The following MAP3K9 variants were observed in gnomAD, a reference collection of about 807,000 sequenced individuals.
The protein encoded by MAP3K9 is mitogen-activated protein kinase kinase kinase 9, also known as mixed lineage kinase 1 (tyr and ser/thr specificity).
A neutral mutation model predicts 95.8 loss-of-function variants in MAP3K9; 46 were observed. That is an observed-to-expected ratio of 0.48 (90% CI 0.38 to 0.61). MAP3K9 has a LOEUF of 0.61. Ranked by LOEUF, MAP3K9 falls within the 20% of genes least tolerant of loss-of-function variation. The probability of loss-of-function intolerance (pLI) is 0.00; values close to 1 mark genes in which losing one functional copy is unlikely to be tolerated. For synonymous variants in MAP3K9, 533 were observed against 593.8 expected, an observed-to-expected ratio of 0.90 and a Z score of 1.49; for missense variants, 1,296 against 1,474.3, an observed-to-expected ratio of 0.88 and a Z score of 1.98.
chr14:70,780,704 G>A (rs1427849298), intron 2 of MAP3K9, among the ~76,000 whole-genome samples: 1 of 152,176 alleles, frequency 6.6e-6, no homozygotes, highest in Non-Finnish European at 1.5e-5. Flanking sequence ...CTTTTGTGCA[G>A]CCACTTTCCT....
chr14:70,749,318 T>C (rs1021241756), intron 4 of MAP3K9, among the ~76,000 whole-genome samples: 1 of 152,214 alleles, frequency 6.6e-6, no homozygotes, highest in African/African-American at 2.4e-5. Context: ...CAATTTACCA[T>C]GTTACTACCT....
chr14:70,779,826 G>A (rs1457910409), intron 2 of MAP3K9, among the ~76,000 whole-genome samples: 2 of 152,308 alleles, frequency 1.3e-5, no homozygotes, highest in East Asian at 3.9e-4. Context: ...CATTCATTTG[G>A]GACATCTCTG....
At chr14:70,749,073 T>C in intron 4 of MAP3K9, 69 bp from the exon 5 acceptor site, 2 of 1,427,088 alleles carry the variant, frequency 1.4e-6, no homozygotes, top group Non-Finnish European at 1.9e-6. Context: ...CTTAGGCTAT[T>C]ACATGGCCTC....
chr14:70,779,360 C>A (rs536851991), intron 2 of MAP3K9, among the ~76,000 whole-genome samples: 6 of 152,290 alleles, frequency 3.9e-5, no homozygotes, highest in African/African-American at 1.4e-4. Flanking sequence ...CAGTAAGTAA[C>A]CTATTACAAT....
intron 5 of MAP3K9, among the ~76,000 whole-genome samples, chr14:70,742,911 T>TTATATATA (rs3081458): frequency 4.3e-4 from 61 of 143,104 alleles, no homozygotes; most frequent in Non-Finnish European, 7.4e-4. Context: ...TTATATATAT[T>TTATATATA]TATATATATA....
chr14:70,732,190 C>T (rs968655833), intron 11 of MAP3K9, among the ~76,000 whole-genome samples: 10 of 152,208 alleles, frequency 6.6e-5, no homozygotes, highest in Non-Finnish European at 1.5e-4. Context: ...TCATCCTCCT[C>T]AGGGAATAAC....
At position 70,793,400 on chromosome 14, in the gene MAP3K9, C is replaced by T. The variant is rs1320439576; in HGVS notation, c.820+7267G>A. ...TCTAACGAGGATGAAAAGCAAATTC[C>T]ATATGGCCGGGCCTGGTGGCTCACG... On this transcript the variant is annotated intron_variant, in intron 2 of 11. Transcript: ENST00000554752. Among the ~76,000 whole-genome samples the T allele has an allele frequency of 4.6e-5, 7 of 152,164 alleles. No individual in the cohort carries two copies. The South Asian group carries it at 1.4e-3, about 32-fold the overall frequency.
chr14:70,763,442 C>T (rs1427560268), intron 2 of MAP3K9, among the ~76,000 whole-genome samples: 1 of 152,064 alleles, frequency 6.6e-6, no homozygotes, highest in African/African-American at 2.4e-5. Context: ...ACTGTGCAGG[C>T]AGTCGTATAA....
In MAP3K9 at chr14:70,751,036, G is replaced by A. The variant is rs1279203355; in HGVS notation, c.1002-955C>T. Reference sequence around the variant, plus strand: ...AATAGATTTCTGCCCCCAGATCAGCGTGAGTGGGTTCTTAACGGAGATCTC... The same window carrying A: ...AATAGATTTCTGCCCCCAGATCAGCATGAGTGGGTTCTTAACGGAGATCTC... On this transcript the variant is annotated intron_variant, in intron 3 of 11. Transcript: ENST00000554752. Among the ~76,000 whole-genome samples, 29 of 121,998 alleles carry A rather than the reference G, an allele frequency of 2.4e-4. No homozygotes were observed. The Admixed American group carries it at 2.6e-3, about 11-fold the overall frequency. 80.0% of individuals were successfully genotyped at this position (121,998 alleles called of 152,430 possible).
At chr14:70,801,121 T>C in intron 1 of MAP3K9, 41 bp from the exon 2 acceptor site, 4 of 1,568,488 alleles carry the variant, frequency 2.6e-6, no homozygotes, top group Non-Finnish European at 3.5e-6. Flanking sequence ...CAAAAACATC[T>C]TGAAAACATC....
intron 2 of MAP3K9, among the ~76,000 whole-genome samples, chr14:70,781,878 T>C (rs2054681232): frequency 6.6e-6 from 1 of 152,196 alleles, no homozygotes; most frequent in Non-Finnish European, 1.5e-5. Context: ...CATGGAAGAC[T>C]CAACTTCTTG....
At chr14:70,733,368 G>T in intron 10 of MAP3K9, 26 bp from the exon 11 acceptor site, 1 of 1,034,162 alleles carries the variant, frequency 9.7e-7, no homozygotes, top group Non-Finnish European at 1.4e-6. Context: ...GAGTGGAAGA[G>T]AAACAGGAAA....
intron 1 of MAP3K9, among the ~76,000 whole-genome samples, chr14:70,801,779 C>G (rs542553020): frequency 6.6e-6 from 1 of 152,146 alleles, no homozygotes; most frequent in African/African-American, 2.4e-5. Flanking sequence ...GAAATTGGCC[C>G]TAAAGAGTGA....
intron 2 of MAP3K9, among the ~76,000 whole-genome samples, chr14:70,768,364 T>C (rs1486840174): frequency 6.6e-6 from 1 of 151,890 alleles, no homozygotes; most frequent in Admixed American, 6.6e-5. Flanking sequence ...AGCCAAAAAT[T>C]CTCCTAACAT....
At position 70,773,012 on chromosome 14, in the gene MAP3K9, G is replaced by A. The variant is rs562277861; in HGVS notation, c.821-11830C>T. On this transcript the variant is annotated intron_variant, in intron 2 of 11. Transcript: ENST00000554752. ...AAAATACTAAACACCCTAAGAAAAT[G>A]CTTCTAAGTGAATTCATATTTTCTC... is the stretch of plus-strand genomic sequence containing the variant. 3.9e-5 allele frequency among the ~76,000 whole-genome samples: 6 copies of A among 152,188 alleles called. No homozygotes were observed. In the East Asian group the frequency reaches 9.6e-4, roughly 24 times the overall value.
In MAP3K9 at chr14:70,722,993, C is replaced by T. The variant is rs1379916186; in HGVS notation, c.*7387G>A. 6.6e-6 allele frequency: 1 copy of T among 152,172 alleles called. No individual in the cohort carries two copies. 9.4% of individuals were successfully genotyped at this position (152,172 alleles called of 1,614,324 possible). A position where few individuals can be genotyped will look rare whatever the true frequency, so the allele number is the denominator to read the frequency against. On this transcript the variant is annotated 3_prime_UTR_variant, in exon 12 of 12. Transcript: ENST00000554752. ...AGTAAAACCCATCTCCAATTCCTTT[C>T]CTTAATCCTCTACAAGCCTTAGACT...
rs931522472 is a variant in MAP3K9, at chr14:70,727,649, A to C, written c.*2731T>G. ...ATCTCCAACCTTGCCCCACTGAGAG[A>C]GTGCAGCAGTCAGGGGCCCATCAGA... is the stretch of plus-strand genomic sequence containing the variant. On this transcript the variant is annotated 3_prime_UTR_variant, in exon 12 of 12. Transcript: ENST00000554752. The C allele has an allele frequency of 6.6e-6, 1 of 152,334 alleles. No homozygotes were observed. Among genetic ancestry groups the C allele is most frequent in the Non-Finnish European group, 1.5e-5 (1 of 68,156 alleles). 9.4% of individuals were successfully genotyped at this position (152,334 alleles called of 1,614,324 possible).
At position 70,728,974 on chromosome 14, in the gene MAP3K9, A is replaced by G. The variant is rs899783496; in HGVS notation, c.*1406T>C. On this transcript the variant is annotated 3_prime_UTR_variant, in exon 12 of 12. Transcript: ENST00000554752. ...ACACAGGAGGCCTCAGAGTAGTGGC[A>G]TGGAGAAGACATACACGAGAAAGCT... The G allele has an allele frequency of 6.6e-6, 1 of 152,268 alleles. No individual in the cohort carries two copies. The highest frequency in any genetic ancestry group is 1.5e-5 in the Non-Finnish European group (1 of 68,064). 9.4% of individuals were successfully genotyped at this position (152,268 alleles called of 1,614,324 possible). A position where few individuals can be genotyped will look rare whatever the true frequency, so the allele number is the denominator to read the frequency against.
chr14:70,786,248 T>A (rs1215488084), intron 2 of MAP3K9, among the ~76,000 whole-genome samples: 1 of 151,990 alleles, frequency 6.6e-6, no homozygotes, highest in East Asian at 1.9e-4. Flanking sequence ...TTAGTAAGGG[T>A]AGGTCTCCTA....
Sources: allele counts gnomAD v4.1 joint callset (sites outside exome capture counted in the v4.1 genomes callset), GRCh38; gene constraint gnomAD v4.1.1; transcripts MANE v1.5; gene names NCBI Gene and HGNC (gene_info 2026-07-23, HGNC 2026-07-21).